Variants in ZMIZ1 observed in about 807,000 individuals in gnomAD.
ZMIZ1 encodes the protein zinc finger MIZ domain-containing protein 1.
ZMIZ1 carries 17 observed loss-of-function variants against 113.9 expected under a neutral mutation model. The observed-to-expected ratio is 0.15, with a 90% CI of 0.10 to 0.22. ZMIZ1 has a LOEUF of 0.22. Among genes scored for constraint, ZMIZ1 ranks in the 10% least tolerant of loss-of-function variants. The pLI, the probability that ZMIZ1 is intolerant of heterozygous loss-of-function variation, is 1.00. For synonymous variants in ZMIZ1, 607 were observed against 603.1 expected, an observed-to-expected ratio of 1.01 and a Z score of -0.09; for missense variants, 1,059 against 1,477.8, an observed-to-expected ratio of 0.72 and a Z score of 4.65.
At chr10:79,282,142 G>T (rs1346248955) in intron 8 of ZMIZ1, among the ~76,000 whole-genome samples, 2 of 152,210 alleles carry the variant, frequency 1.3e-5, no homozygotes, top group East Asian at 3.8e-4. Context: ...CTGCAACGGG[G>T]TCCAACACCT....
Position 79,314,501 on chromosome 10 carries a change from G to T in ZMIZ1, c.*1752G>T. Reference sequence around the variant, plus strand: ...TTTCTTCCTTTGTCCCGTTGTCGAGGTTTTTTCAAATAGCGTGTTGTTCAG... The same window carrying T: ...TTTCTTCCTTTGTCCCGTTGTCGAGTTTTTTTCAAATAGCGTGTTGTTCAG... On this transcript the variant is annotated 3_prime_UTR_variant, in exon 25 of 25. Coordinates refer to ENST00000334512, the MANE Select transcript of ZMIZ1 (RefSeq NM_020338.4). 1 of 327,638 alleles carries T rather than the reference G, an allele frequency of 3.1e-6. No homozygotes were observed. The highest frequency in any genetic ancestry group is 6.0e-6 in the Non-Finnish European group (1 of 166,350). 20.3% of individuals were successfully genotyped at this position (327,638 alleles called of 1,614,324 possible).
At position 79,106,615 on chromosome 10, in the gene ZMIZ1, C is replaced by T. The variant is rs547778075; in HGVS notation, c.-336-12300C>T. Among the ~76,000 whole-genome samples the T allele has an allele frequency of 5.3e-5, 8 of 152,342 alleles. No homozygotes were observed. The South Asian group carries it at 1.4e-3, about 28-fold the overall frequency. ...AGATGCTCCTTGGCCGGTCTTTGCC[C>T]GTTGTGCAAGGGGACATCCCCCAAC... On this transcript the variant is annotated intron_variant, in intron 1 of 24. Coordinates refer to ENST00000334512, the MANE Select transcript of ZMIZ1 (RefSeq NM_020338.4).
In ZMIZ1 at chr10:79,290,955, A is replaced by G. The variant is rs756442103; in HGVS notation, c.541-4A>G. ...TTAGGTGACAACCACTTCTCTGCCC[A>G]CAGGTCCTTGGGAACCCTATGGCCA... On this transcript the variant is annotated splice_region_variant and splice_polypyrimidine_tract_variant and intron_variant, in intron 9 of 24. Coordinates refer to ENST00000334512, the MANE Select transcript of ZMIZ1 (RefSeq NM_020338.4). The G allele has an allele frequency of 2.5e-6, 4 of 1,612,538 alleles. No homozygotes were observed. Among genetic ancestry groups the G allele is most frequent in the Non-Finnish European group, 3.4e-6 (4 of 1,178,808 alleles).
chr10:79,270,893 A>G (rs1056571399), intron 7 of ZMIZ1, among the ~76,000 whole-genome samples: 1 of 152,090 alleles, frequency 6.6e-6, no homozygotes, highest in Non-Finnish European at 1.5e-5. Context: ...GATGGCCACT[A>G]TTGAGGGGTT....
At chr10:79,312,195 T>G (rs1589625879) in intron 24 of ZMIZ1, among the ~76,000 whole-genome samples, 1 of 152,204 alleles carries the variant, frequency 6.6e-6, no homozygotes, top group Non-Finnish European at 1.5e-5. Context: ...TGGCGAGCCC[T>G]TGAGAAGAGG....
intron 10 of ZMIZ1, 137 bp downstream of exon 10, chr10:79,291,313 G>A: frequency 8.8e-7 from 1 of 1,139,818 alleles, no homozygotes; most frequent in South Asian, 1.7e-5. Flanking sequence ...TGAGTTGAAG[G>A]GGCTCAGTCA....
chr10:79,218,959 T>C (rs1384293370), intron 7 of ZMIZ1, among the ~76,000 whole-genome samples: 1 of 151,872 alleles, frequency 6.6e-6, no homozygotes, highest in Non-Finnish European at 1.5e-5. Flanking sequence ...GTCACAGTCT[T>C]TGTCCTGAGA....
Position 79,311,160 on chromosome 10 carries a change from C to G in ZMIZ1, c.3072C>G (p.Ser1024=). 6.2e-7 allele frequency: 1 copy of G among 1,612,946 alleles called. No individual in the cohort carries two copies. Among genetic ancestry groups the G allele is most frequent in the Non-Finnish European group, 8.5e-7 (1 of 1,179,624 alleles). The part of the protein sequence containing the change: ...LEGQAGAQGA[S]DMPEPSLDLL... ...GTCAGGCCGGAGCGCAGGGAGCGTC[C>G]GACATGCCGGAGCCTTCGCTGGATG... Residue 1024 remains serine (S), a synonymous_variant, in exon 24 of 25, where the codon TCC becomes TCG. Transcript: ENST00000334512.
intron 2 of ZMIZ1, among the ~76,000 whole-genome samples, chr10:79,127,849 T>C (rs1484527179): frequency 6.6e-6 from 1 of 152,178 alleles, no homozygotes; most frequent in East Asian, 1.9e-4. Context: ...CCAGTGGCGC[T>C]GACATTTACC....
At chr10:79,120,054 G>T (rs952661776) in intron 2 of ZMIZ1, among the ~76,000 whole-genome samples, 1 of 152,174 alleles carries the variant, frequency 6.6e-6, no homozygotes, top group Non-Finnish European at 1.5e-5. Flanking sequence ...AGGCTGGGGG[G>T]AGAATTCTGG....
intron 18 of ZMIZ1, 81 bp from the exon 19 acceptor site, chr10:79,303,934 G>T (rs747622666): frequency 1.8e-5 from 28 of 1,561,446 alleles, no homozygotes; most frequent in Non-Finnish European, 2.4e-5. Context: ...GCTGCACGAG[G>T]AAGTGGGGAG....
chr10:79,297,711 C>A, intron 14 of ZMIZ1, 21 bp downstream of exon 14: 1 of 1,607,602 alleles, frequency 6.2e-7, no homozygotes, highest in Non-Finnish European at 8.5e-7. Flanking sequence ...ATTTAATTTA[C>A]AAATTCTAAG....
chr10:79,179,919 A>G (rs1589384965), intron 4 of ZMIZ1, among the ~76,000 whole-genome samples: 1 of 152,062 alleles, frequency 6.6e-6, no homozygotes, highest in African/African-American at 2.4e-5. Context: ...GCATGCCACC[A>G]CCCTCTCTCA....
At chr10:79,150,342 G>A (rs1025861530) in intron 3 of ZMIZ1, among the ~76,000 whole-genome samples, 2 of 152,228 alleles carry the variant, frequency 1.3e-5, no homozygotes, top group Non-Finnish European at 2.9e-5. Flanking sequence ...AAGGAAGCCC[G>A]ACCTCGGGCC....
At chr10:79,242,258 T>C (rs548803109) in intron 7 of ZMIZ1, among the ~76,000 whole-genome samples, 22 of 152,024 alleles carry the variant, frequency 1.4e-4, no homozygotes, top group African/African-American at 5.3e-4. Context: ...CAGGATGCAA[T>C]GTCAGGAAGG....
At chr10:79,140,137 C>G (rs190791887) in intron 3 of ZMIZ1, among the ~76,000 whole-genome samples, 1 of 152,274 alleles carries the variant, frequency 6.6e-6, no homozygotes, top group African/African-American at 2.4e-5. Flanking sequence ...GGGGTCCCAG[C>G]CTTTGTGGAT....
chr10:79,082,401 C>T (rs139543703), intron 1 of ZMIZ1, among the ~76,000 whole-genome samples: 1 of 152,202 alleles, frequency 6.6e-6, no homozygotes, highest in Non-Finnish European at 1.5e-5. Flanking sequence ...GCTCATCAGG[C>T]TCATTTGGTG....
At chr10:79,261,176 G>A (rs1046506094) in intron 7 of ZMIZ1, among the ~76,000 whole-genome samples, 3 of 152,186 alleles carry the variant, frequency 2.0e-5, no homozygotes, top group African/African-American at 4.8e-5. Flanking sequence ...CTGTGGCCCC[G>A]CCGGGTGGTC....
chr10:79,182,011 A>G (rs186726801), intron 4 of ZMIZ1, among the ~76,000 whole-genome samples: 214 of 152,308 alleles, frequency 1.4e-3, no homozygotes, highest in Middle Eastern at 3.4e-3. Context: ...CCCAGTGCCA[A>G]GCTGGAGAGA....
Sources: gnomAD v4.1 joint callset for allele counts (sites outside exome capture counted in the v4.1 genomes callset) on GRCh38, gnomAD v4.1.1 for gene constraint, MANE v1.5 for transcripts, NCBI Gene and HGNC (gene_info 2026-07-23, HGNC 2026-07-21) for gene names.